TEX36: variants seen among roughly 807,000 people sequenced by gnomAD.
TEX36 encodes testis expressed 36, also known as testis-expressed protein 36.
TEX36 carries 12 observed loss-of-function variants against 13.6 expected under a neutral mutation model. The observed-to-expected ratio is 0.88, with a 90% CI of 0.56 to 1.43. TEX36 has a LOEUF of 1.43. Among genes scored for constraint, TEX36 ranks in the 40% most tolerant of loss-of-function variants. The pLI is 0.00. For missense variants in TEX36, 224 were observed against 228.3 expected (o/e 0.98, Z 0.12); for synonymous variants, 93 against 83.0 (o/e 1.12, Z -0.65).
intron 3 of TEX36, among the ~76,000 whole-genome samples, chr10:125,588,592 GGTTTGTTT>G (rs59372231): frequency 0.48 from 71,228 of 147,264 alleles, 17,543 homozygotes; most frequent in East Asian, 0.67. Context: ...CCAGGCTCTT[GGTTTGTTT>G]GTTTGTTTGT....
chr10:125,582,137 C>T (rs1589738821), intron 3 of TEX36, among the ~76,000 whole-genome samples: 1 of 152,188 alleles, frequency 6.6e-6, no homozygotes, highest in East Asian at 1.9e-4. Flanking sequence ...AAGGAACATG[C>T]TCAGAGAGAT....
intron 3 of TEX36, among the ~76,000 whole-genome samples, chr10:125,648,750 A>C (rs1183456094): frequency 6.6e-6 from 1 of 152,222 alleles, no homozygotes; most frequent in Admixed American, 6.5e-5. Flanking sequence ...AAAGAAGCTA[A>C]AAACCTTGAA....
downstream of TEX36, among the ~76,000 whole-genome samples, chr10:125,619,054 C>T (rs926641686): frequency 4.0e-5 from 6 of 150,632 alleles, no homozygotes; most frequent in Non-Finnish European, 7.4e-5. Flanking sequence ...GGCATGAACC[C>T]GGGAGGTGGA....
chr10:125,666,152 G>GT (rs1565189080), intron 1 of TEX36, among the ~76,000 whole-genome samples: 1 of 152,148 alleles, frequency 6.6e-6, no homozygotes, highest in Admixed American at 6.6e-5. Context: ...AAAAGAGACA[G>GT]TTTCACTTCT....
In TEX36 at chr10:125,667,212, G is replaced by A. The variant is rs751386646; in HGVS notation, c.52-5235C>T. ...TGACAGTCACCATGGCAATCTCCTC[G>A]TGAGAAAACTTCTGGATGCAGGGAT... is the stretch of plus-strand genomic sequence containing the variant. On this transcript the variant is annotated intron_variant, in intron 1 of 3. Transcript: ENST00000368821. 1.4e-3 allele frequency: 899 copies of A among 640,164 alleles called. 1 individual carries two copies. Among genetic ancestry groups the A allele is most frequent in the Non-Finnish European group, 2.1e-3 (710 of 337,432 alleles). 39.7% of individuals were successfully genotyped at this position (640,164 alleles called of 1,614,324 possible).
At chr10:125,667,677 GC>G in intron 1 of TEX36, 1 of 724,580 alleles carries the variant, frequency 1.4e-6, no homozygotes, top group Non-Finnish European at 2.5e-6. Flanking sequence ...GGGAAAGGAC[GC>G]CCATCATCCT....
chr10:125,596,869 C>A (rs1396615826), intron 3 of TEX36, among the ~76,000 whole-genome samples: 1 of 152,204 alleles, frequency 6.6e-6, no homozygotes, highest in Non-Finnish European at 1.5e-5. Flanking sequence ...TCAGAAATTC[C>A]TGGCTGGGAA....
intron 1 of TEX36, among the ~76,000 whole-genome samples, chr10:125,670,623 T>C (rs1054352424): frequency 1.3e-5 from 2 of 152,252 alleles, no homozygotes; most frequent in East Asian, 1.9e-4. Context: ...TCTGCTTTTG[T>C]TGCAATTGCT....
At chr10:125,640,105 TG>T (rs1846668802) in intron 3 of TEX36, 1 of 967,256 alleles carries the variant, frequency 1.0e-6, no homozygotes, top group African/African-American at 1.8e-5. Context: ...TGAGCAAAGT[TG>T]TTTTTTCCGT....
chr10:125,662,939 C>G (rs1847070234), intron 1 of TEX36, among the ~76,000 whole-genome samples: 1 of 152,102 alleles, frequency 6.6e-6, no homozygotes, highest in Non-Finnish European at 1.5e-5. Flanking sequence ...AAAAGCCACC[C>G]CAACAAAGTG....
exon 4 of TEX36, chr10:125,576,576 G>A: frequency 1.1e-6 from 1 of 904,266 alleles, no homozygotes; most frequent in Non-Finnish European, 1.6e-6. Flanking sequence ...CAGGCAAGCA[G>A]AATAAGAGGA....
intron 3 of TEX36, among the ~76,000 whole-genome samples, chr10:125,656,842 A>T (rs920788277): frequency 4.0e-5 from 6 of 151,662 alleles, no homozygotes; most frequent in Admixed American, 4.0e-4. Context: ...GGTTCCCTTC[A>T]CTCCCAACAC....
chr10:125,674,476 G>T (rs9422931), intron 1 of TEX36, among the ~76,000 whole-genome samples: 2,627 of 152,230 alleles, frequency 0.017, 74 homozygotes, highest in African/African-American at 0.059. Flanking sequence ...GAGAGGTGTT[G>T]CCATCATTTA....
At chr10:125,614,404 T>G (rs1215528024) in intron 3 of TEX36, among the ~76,000 whole-genome samples, 2 of 152,050 alleles carry the variant, frequency 1.3e-5, no homozygotes, top group African/African-American at 4.8e-5. Flanking sequence ...CTAGGGTTTT[T>G]ATGGTTTTAG....
chr10:125,588,570 A>G (rs553288198), intron 3 of TEX36, among the ~76,000 whole-genome samples: 1 of 150,500 alleles, frequency 6.6e-6, no homozygotes, highest in South Asian at 2.1e-4. Flanking sequence ...AGAGGGAGAG[A>G]AGCGGGAGGC....
chr10:125,576,694 ATT>A (rs1218001505), exon 4 of TEX36: 1 of 1,528,428 alleles, frequency 6.5e-7, no homozygotes, highest in East Asian at 2.4e-5. Context: ...ACTAATACAC[ATT>A]CTATTAGTCA....
chr10:125,622,997 G>A (rs563151030), intron 3 of TEX36, among the ~76,000 whole-genome samples: 1 of 152,298 alleles, frequency 6.6e-6, no homozygotes, highest in Admixed American at 6.5e-5. Flanking sequence ...CAAAAATTCT[G>A]CTAGTGGATC....
chr10:125,629,822 G>C (rs1455547808), intron 3 of TEX36, among the ~76,000 whole-genome samples: 4 of 152,144 alleles, frequency 2.6e-5, no homozygotes, highest in Non-Finnish European at 5.9e-5. Context: ...TTAAGTCACT[G>C]TGAGAGACTA....
rs1206630319 is a variant in TEX36, at chr10:125,661,036, T to C, written c.249A>G (p.Gly83=). ...HDNRHSLENS[G]CYLDSGLGRK... is the part of the protein sequence containing the mutation. Reference sequence around the variant, plus strand: ...AAATACTCACGGAGTCAAGGTAGCATCCAGAGTTCTCCAAGCTGTGCCGAT... The same window carrying C: ...AAATACTCACGGAGTCAAGGTAGCACCCAGAGTTCTCCAAGCTGTGCCGAT... The change falls in exon 3 of 4, where the codon GGA becomes GGG. Residue 83 remains glycine (G), a synonymous_variant. Transcript: ENST00000368821. 1 of 1,551,600 alleles carries C rather than the reference T, an allele frequency of 6.4e-7. No individual in the cohort carries two copies. The highest frequency in any genetic ancestry group is 1.4e-5 in the African/African-American group (1 of 73,008).
Sources: gnomAD v4.1 joint callset for allele counts (sites outside exome capture counted in the v4.1 genomes callset) on GRCh38, gnomAD v4.1.1 for gene constraint, MANE v1.5 for transcripts, NCBI Gene and HGNC (gene_info 2026-07-23, HGNC 2026-07-21) for gene names.